Variants in SH3GL2 observed in about 807,000 individuals in gnomAD.
The protein encoded by SH3GL2 is endophilin-A1.
Under a neutral mutation model 46.0 loss-of-function variants are expected in SH3GL2, and 24 were observed. The observed-to-expected ratio is 0.52, with a 90% CI of 0.38 to 0.73. SH3GL2 has a LOEUF of 0.73. Ranked by LOEUF, SH3GL2 falls within the 30% of genes least tolerant of loss-of-function variation. SH3GL2 has a pLI of 0.00. For synonymous variants in SH3GL2, 196 were observed against 147.1 expected, an observed-to-expected ratio of 1.33 and a Z score of -2.40; for missense variants, 413 against 424.2, an observed-to-expected ratio of 0.97 and a Z score of 0.23.
intron 1 of SH3GL2, among the ~76,000 whole-genome samples, chr9:17,582,823 T>A (rs917360233): frequency 6.6e-6 from 1 of 152,222 alleles, no homozygotes; most frequent in Non-Finnish European, 1.5e-5. Flanking sequence ...TTAGCTCTTG[T>A]GCTTTGTTGG....
At chr9:17,668,040 T>G (rs1820387966) in intron 1 of SH3GL2, among the ~76,000 whole-genome samples, 1 of 152,218 alleles carries the variant, frequency 6.6e-6, no homozygotes, top group Non-Finnish European at 1.5e-5. Context: ...CACTAGACTC[T>G]TGTCAGATAT....
At chr9:17,724,462 T>C (rs1335645127) in intron 1 of SH3GL2, among the ~76,000 whole-genome samples, 1 of 152,122 alleles carries the variant, frequency 6.6e-6, no homozygotes, top group African/African-American at 2.4e-5. Flanking sequence ...CCGAGCCATA[T>C]CTGCTAATTC....
intron 1 of SH3GL2, among the ~76,000 whole-genome samples, chr9:17,690,423 T>C (rs1296554982): frequency 6.6e-6 from 1 of 152,078 alleles, no homozygotes; most frequent in African/African-American, 2.4e-5. Context: ...CCTCTTTGGC[T>C]TTGGTCTTGG....
At chr9:17,735,114 G>T (rs1822293187) in intron 1 of SH3GL2, among the ~76,000 whole-genome samples, 1 of 152,062 alleles carries the variant, frequency 6.6e-6, no homozygotes, top group African/African-American at 2.4e-5. Context: ...AGTCTCTTAA[G>T]TCTTTTCTTT....
At chr9:17,594,586 T>C (rs1438928952) in intron 1 of SH3GL2, among the ~76,000 whole-genome samples, 1 of 152,134 alleles carries the variant, frequency 6.6e-6, no homozygotes, top group African/African-American at 2.4e-5. Flanking sequence ...CCATGGCACA[T>C]GTATACCTAT....
intron 3 of SH3GL2, among the ~76,000 whole-genome samples, chr9:17,785,449 G>C (rs1305215673): frequency 6.6e-6 from 1 of 152,088 alleles, no homozygotes; most frequent in Admixed American, 6.6e-5. Flanking sequence ...TTAAATAAAA[G>C]CCTTGTGAAA....
chr9:17,580,228 A>G (rs1818252658), intron 1 of SH3GL2, among the ~76,000 whole-genome samples: 1 of 152,218 alleles, frequency 6.6e-6, no homozygotes, highest in Admixed American at 6.5e-5. Flanking sequence ...GGGATCTTTA[A>G]GGATTTTGAT....
chr9:17,788,921 G>A (rs1380753687), intron 5 of SH3GL2, among the ~76,000 whole-genome samples: 2 of 152,162 alleles, frequency 1.3e-5, no homozygotes, highest in African/African-American at 2.4e-5. Flanking sequence ...CTAACAGACT[G>A]GATGATTTGA....
At chr9:17,624,535 ATT>A (rs1012874104) in intron 1 of SH3GL2, among the ~76,000 whole-genome samples, 3 of 151,658 alleles carry the variant, frequency 2.0e-5, no homozygotes, top group African/African-American at 7.3e-5. Flanking sequence ...TTATTTATTT[ATT>A]TTTTGTGTGC....
At chr9:17,750,762 C>T (rs888922774) in intron 2 of SH3GL2, among the ~76,000 whole-genome samples, 3 of 152,184 alleles carry the variant, frequency 2.0e-5, no homozygotes, top group Non-Finnish European at 4.4e-5. Context: ...TCAGTTGCTG[C>T]AATGATTGTG....
intron 1 of SH3GL2, among the ~76,000 whole-genome samples, chr9:17,730,958 C>G (rs1267945389): frequency 6.6e-6 from 1 of 151,998 alleles, no homozygotes; most frequent in Non-Finnish European, 1.5e-5. Flanking sequence ...ACTTAGAGAA[C>G]GGGATGTTTT....
At chr9:17,622,782 A>G (rs958090515) in intron 1 of SH3GL2, among the ~76,000 whole-genome samples, 8 of 152,052 alleles carry the variant, frequency 5.3e-5, no homozygotes, top group Admixed American at 1.3e-4. Flanking sequence ...AGAATAATGG[A>G]TCCTGAGCCT....
At chr9:17,646,089 C>T (rs1049934184) in intron 1 of SH3GL2, among the ~76,000 whole-genome samples, 2 of 151,824 alleles carry the variant, frequency 1.3e-5, no homozygotes, top group Admixed American at 6.6e-5. Context: ...TCTTTTTTCT[C>T]TATTCTTGTC....
intron 1 of SH3GL2, among the ~76,000 whole-genome samples, chr9:17,586,074 C>A (rs141470420): frequency 1.3e-5 from 2 of 152,148 alleles, no homozygotes; most frequent in African/African-American, 2.4e-5. Context: ...CTTTTGCATT[C>A]TACCAACAAA....
intron 1 of SH3GL2, among the ~76,000 whole-genome samples, chr9:17,711,436 CT>C (rs559014968): frequency 4.2e-4 from 64 of 151,938 alleles, no homozygotes; most frequent in African/African-American, 1.5e-3. Context: ...CCATTACTTT[CT>C]CAACAGAACC....
At chr9:17,767,774 T>G (rs1823355284) in intron 3 of SH3GL2, among the ~76,000 whole-genome samples, 1 of 152,210 alleles carries the variant, frequency 6.6e-6, no homozygotes, top group Admixed American at 6.5e-5. Flanking sequence ...AAGGACAGAT[T>G]ACAAAAGCAG....
intron 1 of SH3GL2, among the ~76,000 whole-genome samples, chr9:17,730,690 G>A (rs1822154155): frequency 6.6e-6 from 1 of 152,018 alleles, no homozygotes; most frequent in Admixed American, 6.6e-5. Context: ...TTTTACAAAG[G>A]CCTTTTCTGC....
intron 3 of SH3GL2, among the ~76,000 whole-genome samples, chr9:17,768,696 C>G (rs973872535): frequency 2.0e-5 from 3 of 152,132 alleles, no homozygotes; most frequent in African/African-American, 7.2e-5. Context: ...AATATGGGCC[C>G]TCATCTGCCC....
At chr9:17,792,841 A>T (rs1824172017) in intron 7 of SH3GL2, among the ~76,000 whole-genome samples, 2 of 152,214 alleles carry the variant, frequency 1.3e-5, no homozygotes, top group African/African-American at 2.4e-5. Context: ...GCTTACTAAA[A>T]TTTATAGTAA....
Sources: allele counts gnomAD v4.1 joint callset (sites outside exome capture counted in the v4.1 genomes callset), GRCh38; gene constraint gnomAD v4.1.1; transcripts MANE v1.5; gene names NCBI Gene and HGNC (gene_info 2026-07-23, HGNC 2026-07-21).